The following BNC2 variants were observed in gnomAD, a reference collection of about 807,000 sequenced individuals.
The protein encoded by BNC2 is zinc finger protein basonuclin-2.
Under a neutral mutation model 76.3 loss-of-function variants are expected in BNC2, and 20 were observed. The ratio of observed to expected loss-of-function variants is 0.26; its 90% CI spans 0.18 to 0.38. The LOEUF is 0.38. BNC2 is among the 10% of genes least tolerant of loss of function. The pLI, the probability that BNC2 is intolerant of heterozygous loss-of-function variation, is 1.00. For missense variants in BNC2, 1,382 were observed against 1,399.8 expected, an observed-to-expected ratio of 0.99 and a Z score of 0.20; for synonymous variants, 582 against 514.8, an observed-to-expected ratio of 1.13 and a Z score of -1.77.
At chr9:16,675,518 C>G (rs997642938) in intron 3 of BNC2, among the ~76,000 whole-genome samples, 1 of 152,200 alleles carries the variant, frequency 6.6e-6, no homozygotes, top group Non-Finnish European at 1.5e-5. Context: ...CCTCGCCCAC[C>G]TTCCAAAATG....
At chr9:16,631,027 C>T (rs1821146778) in intron 3 of BNC2, among the ~76,000 whole-genome samples, 1 of 152,138 alleles carries the variant, frequency 6.6e-6, no homozygotes, top group Non-Finnish European at 1.5e-5. Context: ...GCATGAGCCA[C>T]CATGTCCGGC....
chr9:16,616,835 G>GGAAGGAAA (rs1563865328), intron 3 of BNC2, among the ~76,000 whole-genome samples: 1 of 151,298 alleles, frequency 6.6e-6, no homozygotes. Context: ...AAGGAAGGAA[G>GGAAGGAAA]GAAGTTCTAC....
intron 5 of BNC2, among the ~76,000 whole-genome samples, chr9:16,506,100 C>A (rs10962465): frequency 0.015 from 2,222 of 152,270 alleles, 51 homozygotes; most frequent in African/African-American, 0.05. Context: ...TTTTAAAAAT[C>A]TATCGCAAAC....
intron 3 of BNC2, among the ~76,000 whole-genome samples, chr9:16,588,949 G>A (rs149709381): frequency 6.6e-6 from 1 of 152,272 alleles, no homozygotes; most frequent in Non-Finnish European, 1.5e-5. Flanking sequence ...GTTGTTTAGG[G>A]ACACTTATCC....
chr9:16,739,517 A>C (rs1273336791), intron 1 of BNC2, among the ~76,000 whole-genome samples: 1 of 152,188 alleles, frequency 6.6e-6, no homozygotes, highest in African/African-American at 2.4e-5. Context: ...AAAAATACAA[A>C]AGAAGTTAGC....
chr9:16,573,071 T>C (rs1187534727), intron 4 of BNC2, among the ~76,000 whole-genome samples: 1 of 151,500 alleles, frequency 6.6e-6, no homozygotes, highest in Non-Finnish European at 1.5e-5. Flanking sequence ...CTACAAAAAA[T>C]ACAAAAATTA....
chr9:16,729,751 C>G (rs1459906467), intron 2 of BNC2, among the ~76,000 whole-genome samples: 2 of 152,130 alleles, frequency 1.3e-5, no homozygotes, highest in African/African-American at 4.8e-5. Flanking sequence ...ACCTTTAGTG[C>G]TAGCTATTAC....
At chr9:16,443,449 AC>A (rs1415128452) in intron 5 of BNC2, among the ~76,000 whole-genome samples, 2 of 152,168 alleles carry the variant, frequency 1.3e-5, no homozygotes, top group Non-Finnish European at 2.9e-5. Context: ...AGCAAGAGAA[AC>A]AGATTGGATA....
At chr9:16,440,902 G>A (rs1007386603) in intron 5 of BNC2, among the ~76,000 whole-genome samples, 2 of 152,206 alleles carry the variant, frequency 1.3e-5, no homozygotes, top group African/African-American at 4.8e-5. Flanking sequence ...GGTAATAGAA[G>A]CAGCAATTTA....
At position 16,849,210 on chromosome 9, in the gene BNC2, T is replaced by G. The variant is rs141722515; in HGVS notation, c.3+21436A>C. The stretch of plus-strand genomic sequence containing the variant: ...TCAAATTTATTTCATTTCTTTTTAT[T>G]TCCCGAACTCTCATTCCCCCCACCA... On this transcript the variant is annotated intron_variant, in intron 1 of 6. Transcript: ENST00000380672. Among the ~76,000 whole-genome samples the G allele has an allele frequency of 5.8e-3, 889 of 152,158 alleles. 31 individuals are homozygous for G. Among genetic ancestry groups the G allele is most frequent in the Admixed American group, 0.042 (635 of 15,244 alleles).
At chr9:16,556,445 T>C (rs1227315828) in intron 4 of BNC2, among the ~76,000 whole-genome samples, 1 of 151,814 alleles carries the variant, frequency 6.6e-6, no homozygotes, top group Non-Finnish European at 1.5e-5. Context: ...AGCAGTTACC[T>C]AGGAGATGAG....
chr9:16,813,300 C>A (rs1299187638), intron 1 of BNC2, among the ~76,000 whole-genome samples: 2 of 151,334 alleles, frequency 1.3e-5, no homozygotes, highest in Non-Finnish European at 2.9e-5. Context: ...GAGTCTGGCT[C>A]TGTCGCCCAG....
At chr9:16,772,073 T>C (rs1825847466) in intron 1 of BNC2, among the ~76,000 whole-genome samples, 1 of 152,242 alleles carries the variant, frequency 6.6e-6, no homozygotes, top group Admixed American at 6.5e-5. Flanking sequence ...TCAAATACAA[T>C]ATTTTACACA....
chr9:16,668,261 C>T (rs145431294), intron 3 of BNC2, among the ~76,000 whole-genome samples: 74 of 152,318 alleles, frequency 4.9e-4, no homozygotes, highest in African/African-American at 1.7e-3. Flanking sequence ...AGTCACAAAC[C>T]ACTGCACCTA....
chr9:16,539,188 G>A (rs1257822100), intron 5 of BNC2, among the ~76,000 whole-genome samples: 1 of 151,966 alleles, frequency 6.6e-6, no homozygotes, highest in Non-Finnish European at 1.5e-5. Flanking sequence ...CTCAAAACAG[G>A]GGGAAAAAAA....
intron 1 of BNC2, among the ~76,000 whole-genome samples, chr9:16,870,259 G>C (rs901540391): frequency 2.0e-5 from 3 of 152,198 alleles, no homozygotes; most frequent in Non-Finnish European, 2.9e-5. Context: ...GCTCCTGCCA[G>C]CGCTCCATTC....
intron 1 of BNC2, among the ~76,000 whole-genome samples, chr9:16,826,188 A>ACACAACAG (rs1818450655): frequency 1.3e-5 from 2 of 151,498 alleles, no homozygotes; most frequent in East Asian, 3.9e-4. Flanking sequence ...TGTAAACTGG[A>ACACAACAG]CACAACAGCC....
chr9:16,658,429 C>G (rs765024920), intron 3 of BNC2, among the ~76,000 whole-genome samples: 1 of 152,192 alleles, frequency 6.6e-6, no homozygotes, highest in East Asian at 1.9e-4. Flanking sequence ...TTTCTACTAC[C>G]TGAAACTAAA....
At chr9:16,793,860 GTTTTTTTGT>G (rs1817578579) in intron 1 of BNC2, among the ~76,000 whole-genome samples, 1 of 97,352 alleles carries the variant, frequency 1.0e-5, no homozygotes, top group Non-Finnish European at 1.9e-5. Context: ...TGTGGTTTTT[GTTTTTTTGT>G]TTTTTTTTTT....
Sources: allele counts gnomAD v4.1 joint callset (sites outside exome capture counted in the v4.1 genomes callset), GRCh38; gene constraint gnomAD v4.1.1; transcripts MANE v1.5; gene names NCBI Gene and HGNC (gene_info 2026-07-23, HGNC 2026-07-21).